The following ETV7 variants were observed in gnomAD, a reference collection of about 807,000 sequenced individuals.
ETV7 encodes transcription factor ETV7.
ETV7 carries 43 observed loss-of-function variants against 39.1 expected under a neutral mutation model. The ratio of observed to expected loss-of-function variants is 1.10; its 90% confidence interval spans 0.86 to 1.42. The LOEUF is 1.42. Ranked by LOEUF, ETV7 falls within the 40% of genes most tolerant of loss-of-function variation. The pLI is 0.00. For missense variants in ETV7, 432 were observed against 442.3 expected, an observed-to-expected ratio of 0.98 and a Z score of 0.21; for synonymous variants, 196 against 176.6, an observed-to-expected ratio of 1.11 and a Z score of -0.87.
intron 7 of ETV7, chr6:36,354,754 G>A (rs2127378775): frequency 1.5e-6 from 1 of 668,612 alleles, no homozygotes; most frequent in South Asian, 1.6e-5. Context: ...GACCAATTTA[G>A]GGAGTATTGC....
At chr6:36,383,888 C>T (rs1773769966) in intron 2 of ETV7, among the ~76,000 whole-genome samples, 1 of 152,242 alleles carries the variant, frequency 6.6e-6, no homozygotes, top group Admixed American at 6.5e-5. Context: ...CTGCCTCTCA[C>T]CTCCACACTC....
intron 2 of ETV7, among the ~76,000 whole-genome samples, chr6:36,378,240 G>GGA (rs747067796): frequency 2.9e-5 from 4 of 140,346 alleles, no homozygotes; most frequent in African/African-American, 1.1e-4. Context: ...ATCTAATATG[G>GGA]AAAAAAAAAA....
At chr6:36,360,618 G>C (rs1301739468) in intron 7 of ETV7, among the ~76,000 whole-genome samples, 1 of 152,118 alleles carries the variant, frequency 6.6e-6, no homozygotes, top group East Asian at 1.9e-4. Flanking sequence ...GCTGTCCATA[G>C]AACATTCAGT....
intron 2 of ETV7, 23 bp from the exon 3 acceptor site, chr6:36,376,058 C>T (rs1386071842): frequency 1.3e-6 from 2 of 1,583,118 alleles, no homozygotes; most frequent in South Asian, 2.2e-5. Context: ...AGGACCAGTC[C>T]CATCACTCCC....
At position 36,384,611 on chromosome 6, in the gene ETV7, C is replaced by T. The variant is rs563594225; in HGVS notation, c.142+923G>A. Among the ~76,000 whole-genome samples the T allele has an allele frequency of 3.9e-5, 6 of 152,210 alleles. No individual in the cohort carries two copies. The East Asian group carries it at 5.8e-4, about 15-fold the overall frequency. On this transcript the variant is annotated intron_variant, in intron 2 of 7. Transcript: ENST00000340181. Reference sequence around the variant, plus strand: ...TTGTGTTAAAATTTCTAACCTTGGCCGGGTGCGGTGGCCCACACCTGTCAT... The same window carrying T: ...TTGTGTTAAAATTTCTAACCTTGGCTGGGTGCGGTGGCCCACACCTGTCAT...
downstream of ETV7, among the ~76,000 whole-genome samples, chr6:36,362,229 G>A (rs927401062): frequency 3.3e-5 from 5 of 152,128 alleles, no homozygotes; most frequent in African/African-American, 1.2e-4. Flanking sequence ...GTGAACCCGG[G>A]AGGCAGAGCT....
At chr6:36,354,440 A>C (rs1005827461) in exon 8 of ETV7, 3 of 429,700 alleles carry the variant, frequency 7.0e-6, no homozygotes, top group African/African-American at 4.1e-5. Flanking sequence ...AGATGGTGTA[A>C]GGTAAGGGGA....
At chr6:36,369,421 C>A (rs972231896) in intron 5 of ETV7, among the ~76,000 whole-genome samples, 1 of 152,210 alleles carries the variant, frequency 6.6e-6, no homozygotes, top group East Asian at 1.9e-4. Flanking sequence ...GTGCTGGGCC[C>A]ACAGGCTGAG....
At chr6:36,385,948 C>T (rs1023582495) in intron 1 of ETV7, among the ~76,000 whole-genome samples, 2 of 152,170 alleles carry the variant, frequency 1.3e-5, no homozygotes, top group Non-Finnish European at 2.9e-5. Context: ...TGATTGAAAT[C>T]TGAAAGCCTA....
At chr6:36,375,636 C>T (rs1322956588) in intron 3 of ETV7, among the ~76,000 whole-genome samples, 1 of 152,198 alleles carries the variant, frequency 6.6e-6, no homozygotes, top group Non-Finnish European at 1.5e-5. Flanking sequence ...GAGAGCAGAA[C>T]AGGCCCCTAC....
chr6:36,366,743 T>G lies in ETV7; in HGVS notation c.928A>C (p.Lys310Gln), dbSNP rs1772742325. ...LLFRFLKTPGKMVQDKHSHLE... is the reference protein window; with the variant it reads ...LLFRFLKTPGQMVQDKHSHLE... ...TGGCTGTGCTTGTCCTGGACCATCTTTCCCGGAGTCTTTAGAAATCTAGAA... is the reference window on the plus strand; with the variant it reads ...TGGCTGTGCTTGTCCTGGACCATCTGTCCCGGAGTCTTTAGAAATCTAGAA... Residue 310 changes from lysine to glutamine, a missense_variant, in exon 8 of 8, where the codon AAG becomes CAG. Transcript: ENST00000340181. The G allele has an allele frequency of 1.2e-6, 2 of 1,614,050 alleles. No individual in the cohort carries two copies. Among genetic ancestry groups the G allele is most frequent in the Non-Finnish European group, 1.7e-6 (2 of 1,179,996 alleles).
chr6:36,361,653 T>C (rs1266038405), downstream of ETV7, among the ~76,000 whole-genome samples: 2 of 152,244 alleles, frequency 1.3e-5, no homozygotes, highest in Non-Finnish European at 2.9e-5. Context: ...AGAATCCACC[T>C]AACAGAGAAG....
chr6:36,373,569 A>T lies in ETV7; in HGVS notation c.317T>A (p.Leu106Gln), dbSNP rs755797611. Residue 106 changes from leucine to glutamine, a missense_variant, in exon 4 of 8, where the codon CTG (leucine) becomes CAG (glutamine). Physicochemically the swap from Leu to Gln is moderately radical, Grantham distance 113. Coordinates refer to ENST00000340181, the MANE Select transcript of ETV7 (RefSeq NM_016135.4). ...RHRAPSSGDV[L>Q]YELLQYIKTQ... Reference sequence around the variant, plus strand: ...CTTGATGTACTGGAGCAGCTCATACAGGACGTCACCTGGAGGTGGGTGGGA... The same window carrying T: ...CTTGATGTACTGGAGCAGCTCATACTGGACGTCACCTGGAGGTGGGTGGGA... 2.4e-6 allele frequency: 2 copies of T among 835,456 alleles called. No homozygotes were observed. Among genetic ancestry groups the T allele is most frequent in the Non-Finnish European group, 3.5e-6 (2 of 578,776 alleles). 51.8% of individuals were successfully genotyped at this position (835,456 alleles called of 1,614,324 possible).
downstream of ETV7, among the ~76,000 whole-genome samples, chr6:36,362,950 A>C (rs548348187): frequency 1.3e-5 from 2 of 152,356 alleles, no homozygotes; most frequent in African/African-American, 4.8e-5. Context: ...GGACCCAACC[A>C]CAATGCTGAG....
At chr6:36,377,132 T>A (rs757136514) in intron 2 of ETV7, among the ~76,000 whole-genome samples, 1 of 152,230 alleles carries the variant, frequency 6.6e-6, no homozygotes. Flanking sequence ...TACGACTTCA[T>A]GAGCCCTTGA....
chr6:36,355,283 T>C (rs958880951), intron 7 of ETV7, among the ~76,000 whole-genome samples: 1 of 152,236 alleles, frequency 6.6e-6, no homozygotes, highest in Non-Finnish European at 1.5e-5. Context: ...TGAATATTTT[T>C]ATGATAAGAC....
At chr6:36,387,452 G>A in intron 1 of ETV7, 84 bp downstream of exon 1, 3 of 1,575,804 alleles carry the variant, frequency 1.9e-6, no homozygotes, top group Non-Finnish European at 2.6e-6. Context: ...GATAAAATAG[G>A]TTTGGAAATC....
chr6:36,373,601 G>GTGGGGGGGC, intron 3 of ETV7, 23 bp from the exon 4 acceptor site: 2 of 475,644 alleles, frequency 4.2e-6, no homozygotes, highest in East Asian at 8.3e-5. Context: ...GGGAGGGAGG[G>GTGGGGGGGC]CAGGCTGCTG....
chr6:36,361,015 A>C (rs962639799), intron 7 of ETV7, among the ~76,000 whole-genome samples: 4 of 152,166 alleles, frequency 2.6e-5, no homozygotes, highest in African/African-American at 7.2e-5. Flanking sequence ...ACTTCTGTGC[A>C]AACTTTCCAA....
Sources: gnomAD v4.1 joint callset for allele counts (sites outside exome capture counted in the v4.1 genomes callset) on GRCh38, gnomAD v4.1.1 for gene constraint, MANE v1.5 for transcripts, NCBI Gene and HGNC (gene_info 2026-07-23, HGNC 2026-07-21) for gene names.